The following HIF1A variants were observed in gnomAD, a reference collection of about 807,000 sequenced individuals.
The protein encoded by HIF1A is hypoxia-inducible factor 1-alpha.
HIF1A carries 24 observed loss-of-function variants against 92.7 expected under a neutral mutation model. The ratio of observed to expected loss-of-function variants is 0.26; its 90% CI spans 0.19 to 0.36. The LOEUF (loss-of-function observed/expected upper bound fraction) is 0.36, where lower values mean the gene tolerates loss of function less well. Ranked by LOEUF, HIF1A falls within the 10% of genes least tolerant of loss-of-function variation. HIF1A has a pLI of 1.00. For missense variants in HIF1A, 799 were observed against 998.5 expected, an observed-to-expected ratio of 0.80 and a Z score of 2.69; for synonymous variants, 319 against 338.7, an observed-to-expected ratio of 0.94 and a Z score of 0.64.
At chr14:61,720,614 A>C in intron 2 of HIF1A, 42 bp downstream of exon 2, 1 of 1,224,536 alleles carries the variant, frequency 8.2e-7, no homozygotes, top group South Asian at 1.6e-5. Flanking sequence ...TGAAAATTAG[A>C]AGTTAGAAGT....
chr14:61,708,414 T>G (rs2044267684), intron 1 of HIF1A, among the ~76,000 whole-genome samples: 1 of 152,238 alleles, frequency 6.6e-6, no homozygotes, highest in African/African-American at 2.4e-5. Flanking sequence ...CTAGGTTTTA[T>G]TCTACGGTTT....
chr14:61,728,348 C>A (rs1417387518), intron 6 of HIF1A, among the ~76,000 whole-genome samples: 3 of 152,222 alleles, frequency 2.0e-5, no homozygotes, highest in African/African-American at 7.2e-5. Flanking sequence ...TGAGAAGCTT[C>A]AACCTTGCCC....
At chr14:61,738,020 C>G in intron 9 of HIF1A, 67 bp from the exon 10 acceptor site, 1 of 1,322,944 alleles carries the variant, frequency 7.6e-7, no homozygotes, top group South Asian at 1.5e-5. Flanking sequence ...GAGCAAGACT[C>G]TGTCTTGGGT....
Position 61,726,755 on chromosome 14 carries a change from C to G in HIF1A, c.507C>G (p.Leu169=). The change falls in exon 5 of 15, where the codon CTC becomes CTG. Residue 169 remains leucine, a synonymous_variant. Transcript: ENST00000337138. ...KEQNTQRSFF[L]RMKCTLTSRG... ...AAAACACACAGCGAAGCTTTTTTCT[C>G]AGAATGAAGTGTACCCTAACTAGCC... The G allele has an allele frequency of 6.2e-7, 1 of 1,608,488 alleles. No individual in the cohort carries two copies. Among genetic ancestry groups the G allele is most frequent in the Non-Finnish European group, 8.5e-7 (1 of 1,177,650 alleles).
At position 61,740,967 on chromosome 14, in the gene HIF1A, A is replaced by T. The variant is rs760502658; in HGVS notation, c.1872A>T (p.Leu624Phe). Residue 624 changes from leucine (L) to phenylalanine (F), a missense_variant, in exon 12 of 15, where the codon TTA becomes TTT. Physicochemically the swap from Leu to Phe is conservative, Grantham distance 22. This residue lies in a region of HIF1A where 283 missense variants were observed against 277.5 expected (regional missense o/e 1.02). Coordinates refer to ENST00000337138, the MANE Select transcript of HIF1A (RefSeq NM_001530.4). ...ATTTTATTDE[L>F]KTVTKDRMED... Reference sequence around the variant, plus strand: ...CTACCACTGCCACCACTGATGAATTAAAAACAGTGACAAAAGACCGTATGG... The same window carrying T: ...CTACCACTGCCACCACTGATGAATTTAAAACAGTGACAAAAGACCGTATGG... 1 of 1,614,028 alleles carries T rather than the reference A, an allele frequency of 6.2e-7. No homozygotes were observed.
chr14:61,741,065 C>T lies in HIF1A; in HGVS notation c.1970C>T (p.Ser657Leu), dbSNP rs1242674231. The change falls in exon 12 of 15, where the codon TCA becomes TTA. Residue 657 changes from serine (S) to leucine (L), a missense_variant. Ser to Leu is a moderately radical substitution (Grantham distance 145). Around this residue, in one of 2 missense-constraint regions of HIF1A, gnomAD observed 283 missense variants for 277.5 expected, o/e 1.02. Transcript: ENST00000337138. ...AAAGAAACTACTAGTGCCACATCAT[C>T]ACCATATAGAGATACTCAAAGTCGG... ...IHKETTSATSSPYRDTQSRTA... is the reference protein window; with the variant it reads ...IHKETTSATSLPYRDTQSRTA... 1 of 1,613,672 alleles carries T rather than the reference C, an allele frequency of 6.2e-7. No homozygotes were observed. Among genetic ancestry groups the T allele is most frequent in the Non-Finnish European group, 8.5e-7 (1 of 1,179,682 alleles).
intron 12 of HIF1A, among the ~76,000 whole-genome samples, chr14:61,741,541 G>C (rs1032999349): frequency 6.6e-6 from 1 of 151,072 alleles, no homozygotes; most frequent in Admixed American, 6.6e-5. Context: ...GATTTTTTTG[G>C]TATTTTTCAT....
At chr14:61,715,636 A>G (rs2140131913) in intron 1 of HIF1A, 1 of 152,354 alleles carries the variant, frequency 6.6e-6, no homozygotes, top group South Asian at 2.1e-4. Flanking sequence ...AAGATTAAAT[A>G]ATAGGTGAAA....
chr14:61,724,349 TTCTCTC>T lies in HIF1A; in HGVS notation c.458-2330_458-2325del, dbSNP rs147642291. 1.8e-3 allele frequency among the ~76,000 whole-genome samples: 172 copies of T among 96,110 alleles called. 2 individuals carry two copies. Among genetic ancestry groups the T allele is most frequent in the East Asian group, 9.7e-3 (28 of 2,878 alleles). The allele number at this position is 96,110 out of a possible 152,430, so 63.1% of individuals were successfully genotyped here. ...CCTACACACACACGACACACACACA[TTCTCTC>T]TCTCTCTCTCTCTCTCTCTCTCTCT... On this transcript the variant is annotated intron_variant, in intron 4 of 14. Coordinates refer to ENST00000337138, the MANE Select transcript of HIF1A (RefSeq NM_001530.4).
intron 6 of HIF1A, among the ~76,000 whole-genome samples, chr14:61,730,796 T>C (rs1396075090): frequency 6.6e-6 from 1 of 152,238 alleles, no homozygotes; most frequent in African/African-American, 2.4e-5. Context: ...CGGGCACACA[T>C]AGGCATATTA....
intron 12 of HIF1A, among the ~76,000 whole-genome samples, chr14:61,743,339 G>A (rs1057363630): frequency 1.3e-5 from 2 of 152,124 alleles, no homozygotes; most frequent in African/African-American, 4.8e-5. Context: ...CCAAAGTGCT[G>A]GGATGACAGT....
intron 6 of HIF1A, among the ~76,000 whole-genome samples, chr14:61,729,461 C>CAA (rs369194032): frequency 4.8e-4 from 47 of 97,764 alleles, no homozygotes; most frequent in African/African-American, 9.7e-4. Flanking sequence ...GACTCCATCT[C>CAA]AAAAAACAAA....
intron 12 of HIF1A, among the ~76,000 whole-genome samples, chr14:61,743,972 T>C (rs1368292686): frequency 1.3e-5 from 2 of 152,194 alleles, no homozygotes; most frequent in Non-Finnish European, 2.9e-5. Flanking sequence ...ATGGGTATGA[T>C]ATGCCTGCCT....
chr14:61,721,301 T>C (rs1271150257), intron 2 of HIF1A, among the ~76,000 whole-genome samples: 2 of 152,196 alleles, frequency 1.3e-5, no homozygotes, highest in Non-Finnish European at 2.9e-5. Context: ...TTCTATGGTT[T>C]GCTTTGCTGC....
intron 12 of HIF1A, among the ~76,000 whole-genome samples, chr14:61,742,219 G>C (rs1045688440): frequency 3.9e-5 from 6 of 152,202 alleles, no homozygotes; most frequent in Non-Finnish European, 7.3e-5. Context: ...TTAAGTTTGA[G>C]GCTATAGCTA....
intron 1 of HIF1A, among the ~76,000 whole-genome samples, chr14:61,707,561 GT>G (rs1190474162): frequency 2.6e-5 from 4 of 151,888 alleles, no homozygotes; most frequent in African/African-American, 4.8e-5. Flanking sequence ...GCGGTGTTTG[GT>G]TTTTTGTCCT....
chr14:61,702,740 G>A (rs2044192074), intron 1 of HIF1A, among the ~76,000 whole-genome samples: 1 of 151,882 alleles, frequency 6.6e-6, no homozygotes, highest in Admixed American at 6.6e-5. Flanking sequence ...AAATTTTGGA[G>A]GAAAAAATTT....
chr14:61,697,626 G>C (rs1278852338), intron 1 of HIF1A: 1 of 1,103,422 alleles, frequency 9.1e-7, no homozygotes, highest in African/African-American at 1.6e-5. Flanking sequence ...TTTCTCATTT[G>C]AAAACTTGGC....
At chr14:61,741,364 C>CTT (rs34138408) in intron 12 of HIF1A, among the ~76,000 whole-genome samples, 176 bp downstream of exon 12, 5,569 of 136,934 alleles carry the variant, frequency 0.041, 220 homozygotes, top group Non-Finnish European at 0.059. Flanking sequence ...CTTTTTCTTT[C>CTT]TTTTTTTTTT....
Sources: gnomAD v4.1 joint callset for allele counts (sites outside exome capture counted in the v4.1 genomes callset) on GRCh38, gnomAD v4.1.1 for gene constraint, gnomAD v4.1.1 regional missense constraint, MANE v1.5 for transcripts, NCBI Gene and HGNC (gene_info 2026-07-23, HGNC 2026-07-21) for gene names.